Variants in CUX1 observed in about 807,000 individuals in gnomAD.
CUX1 encodes cut like homeobox 1, also known as protein CASP.
A neutral mutation model predicts 158.8 loss-of-function variants in CUX1; 31 were observed. The observed-to-expected ratio is 0.20, with a 90% CI of 0.15 to 0.26. CUX1 has a LOEUF of 0.26. CUX1 is among the 10% of genes least tolerant of loss of function. The probability of loss-of-function intolerance (pLI) is 1.00; values close to 1 mark genes in which losing one functional copy is unlikely to be tolerated. For missense variants in CUX1, 1,589 were observed against 2,014.6 expected (o/e 0.79, Z 4.04); for synonymous variants, 879 against 862.1 (o/e 1.02, Z -0.34).
At chr7:102,269,208 C>T (rs1418695112) in intron 14 of CUX1, among the ~76,000 whole-genome samples, 1 of 151,886 alleles carries the variant, frequency 6.6e-6, no homozygotes, top group Non-Finnish European at 1.5e-5. Context: ...TTCCTGGGCT[C>T]CAGTGATCCT....
intron 2 of CUX1, among the ~76,000 whole-genome samples, chr7:102,025,090 G>A (rs551124992): frequency 1.3e-5 from 2 of 152,196 alleles, no homozygotes; most frequent in South Asian, 2.1e-4. Flanking sequence ...CTCTGCGTCG[G>A]TCCTCAGATC....
At chr7:101,954,514 T>C (rs527870748) in intron 2 of CUX1, among the ~76,000 whole-genome samples, 2 of 152,236 alleles carry the variant, frequency 1.3e-5, no homozygotes, top group East Asian at 3.9e-4. Context: ...AAAGTAGAAA[T>C]ATGGTTAAAG....
chr7:101,964,269 C>CT lies in CUX1; in HGVS notation c.141+48046dup, dbSNP rs563236697. ...TCAGGAGGCTGAGGCAGGAGAATTG[C>CT]TTGAACCTGGGGGGCGGAGGTTGCA... On this transcript the variant is annotated intron_variant, in intron 2 of 23. Coordinates refer to ENST00000292535, the MANE Select transcript of CUX1 (RefSeq NM_181552.4). Among the ~76,000 whole-genome samples the CT allele has an allele frequency of 3.7e-4, 57 of 152,126 alleles. 1 individual carries two copies. Among genetic ancestry groups the CT allele is most frequent in the Admixed American group, 2.2e-3 (34 of 15,284 alleles).
chr7:102,136,066 CAT>C (rs1224843117), intron 8 of CUX1, among the ~76,000 whole-genome samples: 12 of 151,908 alleles, frequency 7.9e-5, no homozygotes, highest in Non-Finnish European at 1.6e-4. Flanking sequence ...TTTATTATAT[CAT>C]ATAAAATAAT....
chr7:102,148,692 T>TATATATATATAATATATTA (rs1835280792), intron 8 of CUX1, among the ~76,000 whole-genome samples: 1 of 147,948 alleles, frequency 6.8e-6, no homozygotes, highest in Non-Finnish European at 1.5e-5. Flanking sequence ...ATGTATGTGT[T>TATATATATATAATATATTA]ATATATATAT....
intron 9 of CUX1, among the ~76,000 whole-genome samples, chr7:102,162,287 TGC>T (rs1790523627): frequency 6.6e-6 from 1 of 152,160 alleles, no homozygotes; most frequent in Admixed American, 6.5e-5. Flanking sequence ...TTTTTGTTTT[TGC>T]TTCTGAGACA....
Position 102,201,330 on chromosome 7 carries a change from CCA to C in CUX1, c.2063-26_2063-25del. 1.2e-6 allele frequency: 2 copies of C among 1,600,262 alleles called. No homozygotes were observed. The highest frequency in any genetic ancestry group is 1.7e-6 in the Non-Finnish European group (2 of 1,172,034). ...TCCCCAGCTGAAGGGGGCCGCCCTG[CCA>C]CACTCTCACCCCTGTTTCTCCATGC... On this transcript the variant is annotated intron_variant, in intron 17 of 23. Transcript: ENST00000292535. This position sits in a 1 kb window ranked among gnomAD's most constrained non-coding sequence, Gnocchi z 5.0.
At position 102,248,506 on chromosome 7, in the gene CUX1, C is replaced by A. The variant is rs1554537817; in HGVS notation, c.3982C>A (p.Arg1328=). 1.3e-6 allele frequency: 2 copies of A among 1,556,340 alleles called. No homozygotes were observed. The change falls in exon 24 of 24, where the codon CGG becomes AGG. Residue 1328 remains arginine (R), a synonymous_variant. Transcript: ENST00000292535. The surrounding 1 kb of genome is among the most constrained non-coding windows in gnomAD (Gnocchi z 5.8). ...CGACTCACCCTCGGCCCGCAGCGGC[C>A]GGGCGGCGCCCAGCTCGGAGGGCGA... ...ASDSPSARSG[R]AAPSSEGDSC... is the part of the protein sequence containing the mutation.
At chr7:101,945,939 G>T (rs1808311487) in intron 2 of CUX1, among the ~76,000 whole-genome samples, 1 of 152,212 alleles carries the variant, frequency 6.6e-6, no homozygotes, top group African/African-American at 2.4e-5. Flanking sequence ...TCAAGACAAG[G>T]CATTTGCTTA....
intron 3 of CUX1, among the ~76,000 whole-genome samples, chr7:102,047,338 C>T (rs1488378417): frequency 6.6e-6 from 1 of 151,410 alleles, no homozygotes; most frequent in Non-Finnish European, 1.5e-5. Flanking sequence ...TGGTTGATTG[C>T]ATGGAGGGAG....
intron 2 of CUX1, among the ~76,000 whole-genome samples, chr7:102,014,247 C>G (rs538100807): frequency 3.3e-5 from 5 of 152,250 alleles, no homozygotes; most frequent in African/African-American, 1.2e-4. Flanking sequence ...TTCATAGTAT[C>G]TCAAAAGACA....
At chr7:102,021,644 G>A (rs567642473) in intron 2 of CUX1, among the ~76,000 whole-genome samples, 1 of 115,346 alleles carries the variant, frequency 8.7e-6, no homozygotes, top group South Asian at 2.8e-4. Flanking sequence ...TTTGGATGGA[G>A]TTTCCTGGGT....
intron 2 of CUX1, among the ~76,000 whole-genome samples, chr7:101,984,089 AATAT>A (rs1195893037): frequency 6.7e-4 from 20 of 29,800 alleles, no homozygotes; most frequent in South Asian, 1.1e-3. Flanking sequence ...AAAAAAAAAA[AATAT>A]ATATATATAT....
chr7:101,967,383 T>C (rs1415498459), intron 2 of CUX1, among the ~76,000 whole-genome samples: 1 of 152,216 alleles, frequency 6.6e-6, no homozygotes, highest in Non-Finnish European at 1.5e-5. Context: ...AATAAAGCCT[T>C]CACAGCTTCC....
chr7:101,861,881 C>CT (rs1797495599), intron 1 of CUX1, among the ~76,000 whole-genome samples: 1 of 152,078 alleles, frequency 6.6e-6, no homozygotes, highest in Non-Finnish European at 1.5e-5. Flanking sequence ...GTGGCCCAGG[C>CT]TGGAGTGCAG....
Position 102,198,849 on chromosome 7 carries a change from C to T in CUX1, c.1942C>T (p.Arg648Ter). 1.2e-6 allele frequency: 2 copies of T among 1,614,156 alleles called. No homozygotes were observed. The highest frequency in any genetic ancestry group is 1.7e-6 in the Non-Finnish European group (2 of 1,180,022). ...LNRLFQEVPK[R>*]RNGSEGNITT... ...CAGACTATTTCAGGAAGTACCGAAACGAAGAAATGGGTCTGAAGGTATGTT... is the reference window on the plus strand; with the variant it reads ...CAGACTATTTCAGGAAGTACCGAAATGAAGAAATGGGTCTGAAGGTATGTT... Residue 648 changes from arginine to a stop codon, truncating the protein, a stop_gained, in exon 16 of 24, where the codon CGA becomes TGA. Transcript: ENST00000292535. LOFTEE classifies it high-confidence loss of function.
chr7:102,067,658 G>T (rs1825696979), intron 3 of CUX1, among the ~76,000 whole-genome samples: 1 of 151,272 alleles, frequency 6.6e-6, no homozygotes, highest in Non-Finnish European at 1.5e-5. Flanking sequence ...CTATATTTTT[G>T]ATATTTTTCT....
At chr7:102,179,743 G>A (rs563514319) in intron 11 of CUX1, among the ~76,000 whole-genome samples, 12 of 152,338 alleles carry the variant, frequency 7.9e-5, no homozygotes, top group African/African-American at 2.6e-4. Flanking sequence ...GGAGACTCTC[G>A]GAGTTGTCTG....
chr7:101,876,493 G>A (rs1038117074), intron 1 of CUX1, among the ~76,000 whole-genome samples: 6 of 151,426 alleles, frequency 4.0e-5, no homozygotes, highest in African/African-American at 9.7e-5. Flanking sequence ...TCAGGAGATC[G>A]AGACCATCCT....
Sources: gnomAD v4.1 joint callset for allele counts (sites outside exome capture counted in the v4.1 genomes callset) on GRCh38, gnomAD v4.1.1 for gene constraint, Gnocchi (gnomAD v3.1) non-coding constraint, MANE v1.5 for transcripts, NCBI Gene and HGNC (gene_info 2026-07-23, HGNC 2026-07-21) for gene names.